Variants in ATG13 observed in about 807,000 individuals in gnomAD.
ATG13 encodes the protein autophagy-related protein 13.
ATG13 carries 23 observed loss-of-function variants against 65.5 expected under a neutral mutation model. The ratio of observed to expected loss-of-function variants is 0.35; its 90% CI spans 0.25 to 0.50. The LOEUF is 0.50. ATG13 is among the 20% of genes least tolerant of loss of function. The pLI is 0.98. For synonymous variants in ATG13, 252 were observed against 245.2 expected, an observed-to-expected ratio of 1.03 and a Z score of -0.26; for missense variants, 566 against 677.0, an observed-to-expected ratio of 0.84 and a Z score of 1.82.
chr11:46,653,150 T>G (rs2059260409), intron 7 of ATG13, among the ~76,000 whole-genome samples: 1 of 151,214 alleles, frequency 6.6e-6, no homozygotes, highest in African/African-American at 2.4e-5. Flanking sequence ...GCTTTGTATT[T>G]CAGATATTTA....
At chr11:46,624,463 C>T (rs967095200) in intron 1 of ATG13, among the ~76,000 whole-genome samples, 9 of 151,908 alleles carry the variant, frequency 5.9e-5, no homozygotes, top group Admixed American at 3.9e-4. Flanking sequence ...ACTTTATTCT[C>T]CTTTAATCTA....
chr11:46,627,362 G>A (rs1425106448), intron 1 of ATG13, among the ~76,000 whole-genome samples: 2 of 152,060 alleles, frequency 1.3e-5, no homozygotes, highest in Non-Finnish European at 2.9e-5. Context: ...CAGGGCGACA[G>A]AGCAAGACTC....
At position 46,645,356 on chromosome 11, in the gene ATG13, C is replaced by T; in HGVS notation, c.87C>T (p.Val29=). Reference sequence around the variant, plus strand: ...TTCTTTAGACTGTCCAAGTGATTGTCCAGGCTCGGCTTGGTGAAAAGATTT... The same window carrying T: ...TTCTTTAGACTGTCCAAGTGATTGTTCAGGCTCGGCTTGGTGAAAAGATTT... ...FFALKTVQVI[V]QARLGEKICT... Residue 29 remains valine (V), a synonymous_variant, in exon 4 of 19, where the codon GTC becomes GTT. Transcript: ENST00000683050. 1.2e-6 allele frequency: 2 copies of T among 1,613,298 alleles called. No individual in the cohort carries two copies. Among genetic ancestry groups the T allele is most frequent in the Non-Finnish European group, 8.5e-7 (1 of 1,179,774 alleles).
In ATG13 at chr11:46,644,430, ACT is replaced by A. The variant is rs2056997255; in HGVS notation, c.69+75_69+76del. On this transcript the variant is annotated intron_variant, in intron 3 of 18. Coordinates refer to ENST00000683050, the MANE Select transcript of ATG13 (RefSeq NM_001346311.2). ...TCCGTGCTTCTCCCTTTTGCGAACAACTCTCTTTGGAAAGTAGCATAACAGCT... is the reference window on the plus strand; with the variant it reads ...TCCGTGCTTCTCCCTTTTGCGAACAACTCTTTGGAAAGTAGCATAACAGCT... The A allele has an allele frequency of 4.5e-6, 6 of 1,338,732 alleles. No homozygotes were observed. In the South Asian group the frequency reaches 6.6e-5, roughly 15 times the overall value. 82.9% of individuals were successfully genotyped at this position (1,338,732 alleles called of 1,614,324 possible).
intron 10 of ATG13, among the ~76,000 whole-genome samples, chr11:46,658,160 T>C (rs1190237598): frequency 6.6e-6 from 1 of 152,252 alleles, no homozygotes; most frequent in Non-Finnish European, 1.5e-5. Context: ...ACAAATTAAT[T>C]GGTTTTCAGG....
intron 18 of ATG13, among the ~76,000 whole-genome samples, chr11:46,671,011 C>A (rs1374607108): frequency 6.6e-6 from 1 of 152,142 alleles, no homozygotes; most frequent in Non-Finnish European, 1.5e-5. Flanking sequence ...CTTAGAGGAT[C>A]TGGTTCCTCA....
At chr11:46,634,110 T>A (rs944461643) in intron 2 of ATG13, among the ~76,000 whole-genome samples, 5 of 151,994 alleles carry the variant, frequency 3.3e-5, no homozygotes, top group African/African-American at 1.2e-4. Context: ...TTTTTCTTTT[T>A]TTTTGAGATG....
At chr11:46,625,147 T>C (rs988049178) in intron 1 of ATG13, among the ~76,000 whole-genome samples, 26 of 144,774 alleles carry the variant, frequency 1.8e-4, no homozygotes, top group African/African-American at 1.5e-4. Flanking sequence ...GGGCAACATA[T>C]CAAGATCGCG....
At chr11:46,644,818 C>G (rs1050131214) in intron 3 of ATG13, among the ~76,000 whole-genome samples, 6 of 152,142 alleles carry the variant, frequency 3.9e-5, no homozygotes, top group African/African-American at 1.4e-4. Flanking sequence ...TTTCCTAAAT[C>G]TAAAAATCAT....
chr11:46,624,943 C>G (rs919079218), intron 1 of ATG13, among the ~76,000 whole-genome samples: 1 of 151,936 alleles, frequency 6.6e-6, no homozygotes, highest in Non-Finnish European at 1.5e-5. Context: ...ATTGCTTGAG[C>G]CTGGGAGGTC....
intron 4 of ATG13, 90 bp from the exon 5 acceptor site, chr11:46,645,780 A>G (rs775728110): frequency 9.1e-6 from 14 of 1,535,472 alleles, no homozygotes; most frequent in Non-Finnish European, 1.2e-5. Flanking sequence ...AATCAGCCAC[A>G]GCAATACTTG....
chr11:46,672,293 T>A lies in ATG13; in HGVS notation c.1614T>A (p.Asn538Lys). Residue 538 changes from asparagine (N) to lysine (K), a missense_variant, in exon 19 of 19, where the codon AAT (asparagine) becomes AAA (lysine). Around this residue, in one of 2 missense-constraint regions of ATG13, gnomAD observed 387 missense variants for 409.8 expected, o/e 0.94. Transcript: ENST00000683050. ...AGAAGCTGGCTGTGCATGAGAAGAA[T>A]GTCCGCGAGTTTGATGCCTTTGTGG... ...LPEKLAVHEKNVREFDAFVET... is the reference protein window; with the variant it reads ...LPEKLAVHEKKVREFDAFVET... 2 of 1,614,242 alleles carry A rather than the reference T, an allele frequency of 1.2e-6. No individual in the cohort carries two copies. The highest frequency in any genetic ancestry group is 1.7e-6 in the Non-Finnish European group (2 of 1,180,036).
intron 2 of ATG13, among the ~76,000 whole-genome samples, chr11:46,641,341 A>G (rs2055928103): frequency 6.6e-6 from 1 of 152,198 alleles, no homozygotes; most frequent in Admixed American, 6.5e-5. Context: ...AAGTGGTGGG[A>G]TTACAGGCGT....
At position 46,673,154 on chromosome 11, in the gene ATG13, T is replaced by C. The variant is rs1265490453; in HGVS notation, c.*822T>C. Reference sequence around the variant, plus strand: ...TATTACTTTCAGAGAAACCAGATATTTTATAGAGGAAATATGTTTGAGGTG... The same window carrying C: ...TATTACTTTCAGAGAAACCAGATATCTTATAGAGGAAATATGTTTGAGGTG... On this transcript the variant is annotated 3_prime_UTR_variant, in exon 19 of 19. Coordinates refer to ENST00000683050, the MANE Select transcript of ATG13 (RefSeq NM_001346311.2). The C allele has an allele frequency of 6.3e-6, 1 of 157,732 alleles. No homozygotes were observed. Among genetic ancestry groups the C allele is most frequent in the Non-Finnish European group, 1.4e-5 (1 of 70,956 alleles). The allele number at this position is 157,732 out of a possible 1,614,324, so 9.8% of individuals were successfully genotyped here. A position where few individuals can be genotyped will look rare whatever the true frequency, so the allele number is the denominator to read the frequency against.
rs1399985193 is a variant in ATG13 at position 46,617,836 on chromosome 11, G to A, written c.-124G>A. 1 of 399,230 alleles carries A rather than the reference G, an allele frequency of 2.5e-6. No homozygotes were observed. Among genetic ancestry groups the A allele is most frequent in the Middle Eastern group, 6.3e-4 (1 of 1,588 alleles). The allele number at this position is 399,230 out of a possible 1,614,324, so 24.7% of individuals were successfully genotyped here. ...AGGAGGCGCGGCTGGTCGGTCCCAG[G>A]TCCCGGCCTCCGTAATGAGAGCCCG... is the stretch of plus-strand genomic sequence containing the variant. On this transcript the variant is annotated 5_prime_UTR_variant, in exon 1 of 19. Coordinates refer to ENST00000683050, the MANE Select transcript of ATG13 (RefSeq NM_001346311.2).
intron 7 of ATG13, among the ~76,000 whole-genome samples, chr11:46,653,404 C>A (rs994495714): frequency 6.6e-6 from 1 of 151,956 alleles, no homozygotes; most frequent in East Asian, 2.0e-4. Flanking sequence ...GAACTCCTGA[C>A]CTCAATTGAT....
intron 11 of ATG13, 48 bp from the exon 12 acceptor site, chr11:46,663,945 CTTTT>C (rs953835564): frequency 1.6e-3 from 1,241 of 759,008 alleles, no homozygotes; most frequent in Non-Finnish European, 1.8e-3. Context: ...AGTCCCTTTT[CTTTT>C]TTTTTTTTTT....
In ATG13 at chr11:46,638,841, T is replaced by C. The variant is rs143113662; in HGVS notation, c.-13-5438T>C. ...TTTGTTTTTTGAGACAGAGTCTCACTCTGTCACCCAGGCTGGAGTGCAATG... is the reference window on the plus strand; with the variant it reads ...TTTGTTTTTTGAGACAGAGTCTCACCCTGTCACCCAGGCTGGAGTGCAATG... On this transcript the variant is annotated intron_variant, in intron 2 of 18. Transcript: ENST00000683050. Among the ~76,000 whole-genome samples, 361 of 152,240 alleles carry C rather than the reference T, an allele frequency of 2.4e-3. 11 individuals are homozygous for C. The East Asian group carries it at 0.031, about 13-fold the overall frequency.
Position 46,670,640 on chromosome 11 carries a change from C to T in ATG13, c.1575+1108C>T, listed in dbSNP as rs1368903214. 2.6e-5 allele frequency among the ~76,000 whole-genome samples: 4 copies of T among 151,984 alleles called. No homozygotes were observed. In the East Asian group the frequency reaches 5.8e-4, roughly 22 times the overall value. On this transcript the variant is annotated intron_variant, in intron 18 of 18. Coordinates refer to ENST00000683050, the MANE Select transcript of ATG13 (RefSeq NM_001346311.2). ...TGAGCAACATGGTGAAACCCTGTCT[C>T]TACAAAAAGTACAAAAAATTAGCTG...
Sources: allele counts gnomAD v4.1 joint callset (sites outside exome capture counted in the v4.1 genomes callset), GRCh38; gene constraint gnomAD v4.1.1; regional missense constraint gnomAD v4.1.1; transcripts MANE v1.5; gene names NCBI Gene and HGNC (gene_info 2026-07-23, HGNC 2026-07-21).